MYOCD: variants seen among roughly 807,000 people sequenced by gnomAD.
MYOCD encodes the protein myocardin.
Under a neutral mutation model 96.1 loss-of-function variants are expected in MYOCD, and 32 were observed. The ratio of observed to expected loss-of-function variants is 0.33; its 90% confidence interval spans 0.25 to 0.45. MYOCD has a LOEUF of 0.45. Ranked by LOEUF, MYOCD falls within the 20% of genes least tolerant of loss-of-function variation. The pLI is 1.00. For synonymous variants in MYOCD, 469 were observed against 469.0 expected, an observed-to-expected ratio of 1.00 and a Z score of 0.00; for missense variants, 1,133 against 1,200.6, an observed-to-expected ratio of 0.94 and a Z score of 0.83.
At chr17:12,700,241 C>T (rs1226708446) in intron 1 of MYOCD, among the ~76,000 whole-genome samples, 4 of 151,628 alleles carry the variant, frequency 2.6e-5, no homozygotes, top group Non-Finnish European at 5.9e-5. Flanking sequence ...CCTTCATGTC[C>T]CCAAACTCTT....
chr17:12,707,248 G>A (rs75446798), intron 2 of MYOCD, among the ~76,000 whole-genome samples: 22,938 of 152,128 alleles, frequency 0.15, 1,846 homozygotes, highest in Middle Eastern at 0.2. Flanking sequence ...AAGGAAAGAG[G>A]AACCAAGGGC....
chr17:12,691,654 T>A (rs959702888), intron 1 of MYOCD, among the ~76,000 whole-genome samples: 1 of 152,164 alleles, frequency 6.6e-6, no homozygotes, highest in Non-Finnish European at 1.5e-5. Context: ...GACATGCCCT[T>A]CACCCTCGCA....
At chr17:12,678,671 T>C (rs957818758) in intron 1 of MYOCD, among the ~76,000 whole-genome samples, 1 of 152,046 alleles carries the variant, frequency 6.6e-6, no homozygotes, top group African/African-American at 2.4e-5. Context: ...TTAATATTTT[T>C]ATTTTTTTGT....
At chr17:12,738,668 C>T (rs1180261877) in intron 6 of MYOCD, among the ~76,000 whole-genome samples, 4 of 151,914 alleles carry the variant, frequency 2.6e-5, no homozygotes, top group African/African-American at 9.7e-5. Context: ...ACACACACTT[C>T]CAAACACACA....
intron 1 of MYOCD, among the ~76,000 whole-genome samples, chr17:12,670,896 C>T (rs2097101277): frequency 2.0e-5 from 3 of 152,124 alleles, no homozygotes; most frequent in Admixed American, 6.5e-5. Context: ...CATTTGGGGT[C>T]TGGCTCAAGC....
chr17:12,765,064 G>GT lies in MYOCD; in HGVS notation c.*1425dup, dbSNP rs555364700. 130 of 152,292 alleles carry GT rather than the reference G, an allele frequency of 8.5e-4. No individual in the cohort carries two copies. The highest frequency in any genetic ancestry group is 2.9e-3 in the African/African-American group (121 of 41,560). The allele number at this position is 152,292 out of a possible 1,614,324, so 9.4% of individuals were successfully genotyped here. A position where few individuals can be genotyped will look rare whatever the true frequency, so the allele number is the denominator to read the frequency against. Reference sequence around the variant, plus strand: ...TTACAAGAGAGAATTTCAGATCTGGGTTTTTGAAAGAAAACAGAATTGCGC... The same window carrying GT: ...TTACAAGAGAGAATTTCAGATCTGGGTTTTTTGAAAGAAAACAGAATTGCGC... On this transcript the variant is annotated 3_prime_UTR_variant, in exon 14 of 14. Coordinates refer to ENST00000425538, the MANE Select transcript of MYOCD (RefSeq NM_001146312.3).
chr17:12,696,762 C>G (rs1429143857), intron 1 of MYOCD, among the ~76,000 whole-genome samples: 4 of 152,120 alleles, frequency 2.6e-5, no homozygotes. Context: ...ACTGCTGATA[C>G]TCCTCCCAGA....
intron 1 of MYOCD, among the ~76,000 whole-genome samples, chr17:12,668,555 G>C (rs978208892): frequency 1.3e-5 from 2 of 152,058 alleles, no homozygotes; most frequent in Non-Finnish European, 2.9e-5. Context: ...GGACAAAATT[G>C]TGCTACAGCA....
chr17:12,700,474 C>T (rs112971812), intron 1 of MYOCD, among the ~76,000 whole-genome samples: 1,965 of 122,724 alleles, frequency 0.016, 51 homozygotes, highest in South Asian at 0.14. Flanking sequence ...AGTGCAGTGG[C>T]GCGATCTCAG....
chr17:12,750,466 A>C, intron 9 of MYOCD, among the ~76,000 whole-genome samples: 1 of 152,240 alleles, frequency 6.6e-6, no homozygotes, highest in East Asian at 1.9e-4. Context: ...AGGTGAGTGG[A>C]TCATCTAAGG....
At chr17:12,693,145 C>A (rs1597743276) in intron 1 of MYOCD, among the ~76,000 whole-genome samples, 2 of 152,212 alleles carry the variant, frequency 1.3e-5, no homozygotes, top group Non-Finnish European at 2.9e-5. Context: ...GGCTTCACAC[C>A]TATTCTATGA....
At chr17:12,725,262 G>T (rs2031961799) in intron 5 of MYOCD, among the ~76,000 whole-genome samples, 1 of 151,186 alleles carries the variant, frequency 6.6e-6, no homozygotes, top group Admixed American at 6.6e-5. Flanking sequence ...TCACTGGCTG[G>T]TACTTGAAAG....
chr17:12,721,266 G>C (rs960464915), intron 4 of MYOCD, among the ~76,000 whole-genome samples: 5 of 151,958 alleles, frequency 3.3e-5, no homozygotes, highest in African/African-American at 1.2e-4. Flanking sequence ...CCTCCCATGG[G>C]GTCCTCTTTT....
intron 1 of MYOCD, among the ~76,000 whole-genome samples, chr17:12,698,452 T>C (rs147461815): frequency 1.0e-3 from 155 of 152,260 alleles, no homozygotes; most frequent in Non-Finnish European, 8.2e-4. Flanking sequence ...TCAGGGAAAA[T>C]TGAGTTTATC....
At chr17:12,746,365 G>T (rs1417064577) in intron 9 of MYOCD, among the ~76,000 whole-genome samples, 2 of 152,172 alleles carry the variant, frequency 1.3e-5, no homozygotes, top group Non-Finnish European at 2.9e-5. Context: ...CCAGTATCTG[G>T]CAAATGCCAT....
intron 1 of MYOCD, among the ~76,000 whole-genome samples, chr17:12,685,769 A>C (rs992782459): frequency 6.6e-6 from 1 of 152,204 alleles, no homozygotes; most frequent in African/African-American, 2.4e-5. Flanking sequence ...AGTTAACTCA[A>C]GCGTGTGTAT....
intron 1 of MYOCD, among the ~76,000 whole-genome samples, chr17:12,691,107 C>T (rs1037259392): frequency 5.9e-5 from 9 of 152,134 alleles, no homozygotes; most frequent in Non-Finnish European, 7.4e-5. Context: ...CCATTTTCAC[C>T]GTTCCCTAGC....
chr17:12,711,755 C>T (rs2031486634), intron 2 of MYOCD, among the ~76,000 whole-genome samples: 1 of 152,066 alleles, frequency 6.6e-6, no homozygotes. Context: ...AGGTTCCCAA[C>T]ACCCCTAGAT....
intron 4 of MYOCD, among the ~76,000 whole-genome samples, chr17:12,717,972 C>G (rs982691992): frequency 5.9e-5 from 9 of 152,170 alleles, no homozygotes; most frequent in Non-Finnish European, 1.2e-4. Flanking sequence ...ATTCTGACAT[C>G]TGCATGCAGG....
Sources: allele counts gnomAD v4.1 joint callset (sites outside exome capture counted in the v4.1 genomes callset), GRCh38; gene constraint gnomAD v4.1.1; transcripts MANE v1.5; gene names NCBI Gene and HGNC (gene_info 2026-07-23, HGNC 2026-07-21).